The following BCAS3 variants were observed in gnomAD, a reference collection of about 807,000 sequenced individuals.
The protein encoded by BCAS3 is BCAS4/BCAS3 fusion.
In BCAS3, 53 loss-of-function variants were observed where a neutral mutation model predicts 116.1. The observed-to-expected ratio is 0.46, with a 90% CI of 0.37 to 0.57. BCAS3 has a LOEUF of 0.57. Among genes scored for constraint, BCAS3 ranks in the 20% least tolerant of loss-of-function variants. The pLI, the probability that BCAS3 is intolerant of heterozygous loss-of-function variation, is 0.00. For synonymous variants in BCAS3, 391 were observed against 408.2 expected (o/e 0.96, Z 0.51); for missense variants, 917 against 1,165.4 (o/e 0.79, Z 3.10).
At chr17:60,704,926 C>A (rs2143968266) in intron 4 of BCAS3, among the ~76,000 whole-genome samples, 1 of 152,088 alleles carries the variant, frequency 6.6e-6, no homozygotes, top group East Asian at 1.9e-4. Flanking sequence ...TGGAAGTGGT[C>A]TACTTGCCCC....
intron 5 of BCAS3, among the ~76,000 whole-genome samples, chr17:60,737,352 C>T (rs1296081577): frequency 6.6e-6 from 1 of 152,142 alleles, no homozygotes; most frequent in African/African-American, 2.4e-5. Flanking sequence ...CTTTTGGTTT[C>T]ATTGATCTTC....
rs79915534 is a variant in BCAS3 at position 61,181,260 on chromosome 17, C to T, written c.2425+96696C>T. ...ATGACTGGTGAGGAACAAGATGATT[C>T]GTTCCTTGCCTAAGCCCATGCTTAC... is the stretch of plus-strand genomic sequence containing the variant. On this transcript the variant is annotated intron_variant, in intron 22 of 23. Coordinates refer to ENST00000407086, the MANE Select transcript of BCAS3 (RefSeq NM_017679.5). The surrounding 1 kb of genome is among the most constrained non-coding windows in gnomAD (Gnocchi z 5.0). Among the ~76,000 whole-genome samples the T allele has an allele frequency of 0.025, 3,787 of 152,204 alleles. 165 individuals are homozygous for T. Among genetic ancestry groups the T allele is most frequent in the African/African-American group, 0.087 (3,610 of 41,502 alleles).
chr17:60,712,826 AAGG>A (rs2144033610), intron 5 of BCAS3, among the ~76,000 whole-genome samples: 1 of 152,276 alleles, frequency 6.6e-6, no homozygotes, highest in South Asian at 2.1e-4. Flanking sequence ...CATAGGGGAG[AAGG>A]AGATGGAGGA....
At chr17:61,015,428 A>G (rs962134169) in intron 15 of BCAS3, among the ~76,000 whole-genome samples, 3 of 152,132 alleles carry the variant, frequency 2.0e-5, no homozygotes, top group Non-Finnish European at 4.4e-5. Context: ...AGCTAGGATG[A>G]CAAGCGTGTA....
intron 22 of BCAS3, among the ~76,000 whole-genome samples, chr17:61,158,594 G>T (rs1019060104): frequency 6.6e-6 from 1 of 152,084 alleles, no homozygotes. Context: ...CTTCATCCAG[G>T]CTTTTAAATA....
intron 7 of BCAS3, among the ~76,000 whole-genome samples, chr17:60,841,903 A>G (rs545579155): frequency 1.3e-5 from 2 of 152,118 alleles, no homozygotes; most frequent in Non-Finnish European, 2.9e-5. Flanking sequence ...AAGAGTCTCT[A>G]GTGATGGTGT....
chr17:61,303,051 C>T (rs1465096855), intron 22 of BCAS3, among the ~76,000 whole-genome samples: 1 of 152,172 alleles, frequency 6.6e-6, no homozygotes, highest in Non-Finnish European at 1.5e-5. Flanking sequence ...AGGGAAAGGC[C>T]TGTCCGACAA....
intron 6 of BCAS3, among the ~76,000 whole-genome samples, chr17:60,784,761 G>A (rs1214513548): frequency 1.3e-5 from 2 of 152,036 alleles, no homozygotes; most frequent in Admixed American, 1.3e-4. Context: ...TATTTTAAAA[G>A]CGTTTCTGGA....
Position 61,083,463 on chromosome 17 carries a change from A to G in BCAS3, c.2328-1004A>G, listed in dbSNP as rs2143529313. Among the ~76,000 whole-genome samples, 1 of 152,292 alleles carries G rather than the reference A, an allele frequency of 6.6e-6. No homozygotes were observed. Among genetic ancestry groups the G allele is most frequent in the Middle Eastern group, 3.4e-3 (1 of 294 alleles). On this transcript the variant is annotated intron_variant, in intron 21 of 23. Coordinates refer to ENST00000407086, the MANE Select transcript of BCAS3 (RefSeq NM_017679.5). The surrounding 1 kb of genome is among the most constrained non-coding windows in gnomAD (Gnocchi z 4.9). ...AGAAATGCATGCATATATTGTTGTAATAAGTTTTTGTTTCACTAAGTTGCC... is the reference window on the plus strand; with the variant it reads ...AGAAATGCATGCATATATTGTTGTAGTAAGTTTTTGTTTCACTAAGTTGCC...
At chr17:61,154,111 T>G (rs1385688255) in intron 22 of BCAS3, among the ~76,000 whole-genome samples, 1 of 152,180 alleles carries the variant, frequency 6.6e-6, no homozygotes, top group Non-Finnish European at 1.5e-5. Flanking sequence ...GACCTTTCCT[T>G]TAGATATTTG....
chr17:61,240,812 T>G (rs2047449093), intron 22 of BCAS3, among the ~76,000 whole-genome samples: 1 of 152,254 alleles, frequency 6.6e-6, no homozygotes, highest in African/African-American at 2.4e-5. Context: ...GGTCCATTTC[T>G]TTTAAATTGA....
intron 6 of BCAS3, among the ~76,000 whole-genome samples, chr17:60,804,909 T>A (rs1252847843): frequency 6.6e-6 from 1 of 151,926 alleles, no homozygotes; most frequent in African/African-American, 2.4e-5. Flanking sequence ...ATTTAGTACC[T>A]GCTATTGTCA....
At chr17:61,031,386 C>G (rs544835206) in intron 16 of BCAS3, among the ~76,000 whole-genome samples, 1 of 152,040 alleles carries the variant, frequency 6.6e-6, no homozygotes, top group African/African-American at 2.4e-5. Context: ...TTGTATGTCA[C>G]TGGCATATTG....
chr17:61,220,556 G>A lies in BCAS3; in HGVS notation c.2425+135992G>A, dbSNP rs2082052954. Among the ~76,000 whole-genome samples the A allele has an allele frequency of 6.6e-6, 1 of 152,116 alleles. No homozygotes were observed. The highest frequency in any genetic ancestry group is 2.4e-5 in the African/African-American group (1 of 41,420). On this transcript the variant is annotated intron_variant, in intron 22 of 23. Coordinates refer to ENST00000407086, the MANE Select transcript of BCAS3 (RefSeq NM_017679.5). This position sits in a 1 kb window ranked among gnomAD's most constrained non-coding sequence, Gnocchi z 4.5. ...ACAGAATGGATATCCACTCCACCTG[G>A]AATTCTCTTTGCTAAAACAATGAGG...
chr17:60,876,512 G>C (rs1446840335), intron 9 of BCAS3, among the ~76,000 whole-genome samples: 4 of 152,004 alleles, frequency 2.6e-5, no homozygotes, highest in African/African-American at 9.7e-5. Context: ...ATTTCCCACT[G>C]TCTGTTTGTA....
chr17:61,210,379 G>A (rs1337661035), intron 22 of BCAS3, among the ~76,000 whole-genome samples: 1 of 152,114 alleles, frequency 6.6e-6, no homozygotes. Flanking sequence ...AACTCTGAAG[G>A]CAGGCTTCCT....
At chr17:61,320,675 C>CAA (rs76246994) in intron 22 of BCAS3, among the ~76,000 whole-genome samples, 10 of 97,094 alleles carry the variant, frequency 1.0e-4, no homozygotes, top group African/African-American at 2.2e-4. Flanking sequence ...GACTCTGTCT[C>CAA]AAAAAAAAAA....
intron 8 of BCAS3, among the ~76,000 whole-genome samples, chr17:60,870,496 A>G (rs1187167495): frequency 6.6e-6 from 1 of 152,212 alleles, no homozygotes; most frequent in Non-Finnish European, 1.5e-5. Flanking sequence ...ATGGCAGGCA[A>G]TGTTAAGGGT....
At chr17:60,889,481 A>G (rs75094637) in intron 9 of BCAS3, among the ~76,000 whole-genome samples, 1,813 of 152,286 alleles carry the variant, frequency 0.012, 37 homozygotes, top group African/African-American at 0.039. Flanking sequence ...TTTGTTTCTT[A>G]TTGGGACAGA....
Sources: gnomAD v4.1 joint callset for allele counts (sites outside exome capture counted in the v4.1 genomes callset) on GRCh38, gnomAD v4.1.1 for gene constraint, Gnocchi (gnomAD v3.1) non-coding constraint, MANE v1.5 for transcripts, NCBI Gene and HGNC (gene_info 2026-07-23, HGNC 2026-07-21) for gene names.